Variants in GALNT13 observed in about 807,000 individuals in gnomAD.
GALNT13 encodes the protein UDP-GalNAc:polypeptide N-acetylgalactosaminyltransferase 13.
In GALNT13, 28 loss-of-function variants were observed where a neutral mutation model predicts 64.2. That is an observed-to-expected ratio of 0.44 (90% CI 0.32 to 0.60). The LOEUF is 0.60. Ranked by LOEUF, GALNT13 falls within the 20% of genes least tolerant of loss-of-function variation. GALNT13 has a pLI of 0.05. For synonymous variants in GALNT13, 214 were observed against 224.6 expected (o/e 0.95, Z 0.42); for missense variants, 577 against 669.8 (o/e 0.86, Z 1.53).
the GALNT13 span, among the ~76,000 whole-genome samples, chr2:153,342,830 C>G: frequency 6.6e-6 from 1 of 152,090 alleles, no homozygotes; most frequent in African/African-American, 2.4e-5. Flanking sequence ...TAACGCAGGT[C>G]ACTCCATTAC....
intron 8 of GALNT13, among the ~76,000 whole-genome samples, chr2:154,282,838 T>C (rs1470820390): frequency 6.6e-6 from 1 of 152,200 alleles, no homozygotes; most frequent in East Asian, 1.9e-4. Context: ...TGAGATGTTA[T>C]CATTACCTCA....
intron 12 of GALNT13, among the ~76,000 whole-genome samples, chr2:154,444,969 A>G (rs372513702): frequency 1.3e-5 from 2 of 152,052 alleles, no homozygotes; most frequent in Admixed American, 6.6e-5. Flanking sequence ...CCTCAATTGT[A>G]TAAATACATA....
the GALNT13 span, among the ~76,000 whole-genome samples, chr2:153,840,097 C>T: frequency 6.6e-6 from 1 of 151,918 alleles, no homozygotes; most frequent in African/African-American, 2.4e-5. Context: ...TGTTTATTAA[C>T]CCACATTTTT....
chr2:153,412,782 G>C, the GALNT13 span, among the ~76,000 whole-genome samples: 11 of 152,068 alleles, frequency 7.2e-5, no homozygotes, highest in African/African-American at 2.7e-4. Context: ...ACTCTTCTTT[G>C]CTCTCTGGTG....
the GALNT13 span, among the ~76,000 whole-genome samples, chr2:153,305,413 G>C: frequency 6.6e-6 from 1 of 152,132 alleles, no homozygotes; most frequent in Non-Finnish European, 1.5e-5. Context: ...TCTGCACACT[G>C]TGCTATTGGA....
chr2:154,154,934 T>TGTG (rs1684312993), intron 4 of GALNT13, among the ~76,000 whole-genome samples: 1 of 149,304 alleles, frequency 6.7e-6, no homozygotes. Context: ...TTGTTTATGT[T>TGTG]TGTGTGTGTG....
chr2:154,401,012 C>T (rs1157389416), intron 10 of GALNT13, among the ~76,000 whole-genome samples: 1 of 152,082 alleles, frequency 6.6e-6, no homozygotes, highest in Non-Finnish European at 1.5e-5. Flanking sequence ...AGCCAAGTGA[C>T]AACTCTTGGT....
At chr2:153,125,270 C>G in the GALNT13 span, among the ~76,000 whole-genome samples, 7 of 152,200 alleles carry the variant, frequency 4.6e-5, no homozygotes, top group East Asian at 1.3e-3. Context: ...TATTCTTCCT[C>G]CCACATGACA....
intron 3 of GALNT13, among the ~76,000 whole-genome samples, chr2:153,998,201 T>A (rs1417557881): frequency 1.8e-4 from 27 of 152,144 alleles, no homozygotes. Context: ...TGGTTCCAGA[T>A]CCTTGAGGAA....
intron 4 of GALNT13, among the ~76,000 whole-genome samples, chr2:154,223,995 C>A (rs1295799365): frequency 1.3e-5 from 2 of 151,948 alleles, no homozygotes; most frequent in African/African-American, 4.8e-5. Flanking sequence ...GTAATAAGGT[C>A]ATTCTTCAGA....
intron 4 of GALNT13, among the ~76,000 whole-genome samples, chr2:154,167,089 C>G (rs186524569): frequency 6.6e-6 from 1 of 151,732 alleles, no homozygotes; most frequent in Non-Finnish European, 1.5e-5. Context: ...AACAAACCTG[C>G]AAGTTGTGCA....
the GALNT13 span, among the ~76,000 whole-genome samples, chr2:153,407,474 A>G: frequency 3.3e-5 from 5 of 152,182 alleles, no homozygotes; most frequent in Admixed American, 6.5e-5. Flanking sequence ...TAGACATCTC[A>G]GGTGATCTTT....
intron 1 of GALNT13, among the ~76,000 whole-genome samples, chr2:153,897,027 T>G (rs2105282681): frequency 6.6e-6 from 1 of 152,300 alleles, no homozygotes; most frequent in East Asian, 1.9e-4. Flanking sequence ...CTCTATGTGC[T>G]CATGTGTGCA....
In GALNT13 at chr2:154,046,878, C is replaced by G. The variant is rs139609214; in HGVS notation, c.143-93459C>G. 2.9e-3 allele frequency among the ~76,000 whole-genome samples: 442 copies of G among 152,144 alleles called. 2 individuals carry two copies. The highest frequency in any genetic ancestry group is 4.5e-3 in the Non-Finnish European group (304 of 67,994). ...AACCTGCTGACACCTGGATCTTGAC[C>G]TTCTAGCTTCCAAAACTGTGACAAA... On this transcript the variant is annotated intron_variant, in intron 3 of 12. Coordinates refer to ENST00000392825, the MANE Select transcript of GALNT13 (RefSeq NM_052917.4).
intron 3 of GALNT13, among the ~76,000 whole-genome samples, chr2:154,029,180 T>C (rs1444195924): frequency 2.6e-5 from 3 of 114,616 alleles, no homozygotes; most frequent in African/African-American, 9.9e-5. Flanking sequence ...ACAATTTATT[T>C]TGTAAATCAA....
chr2:154,432,856 A>G (rs972750541), intron 11 of GALNT13, among the ~76,000 whole-genome samples: 5 of 152,190 alleles, frequency 3.3e-5, no homozygotes, highest in Admixed American at 3.3e-4. Context: ...TTAGTACTTC[A>G]ATATATCATC....
chr2:154,017,196 T>C (rs2105265650), intron 3 of GALNT13, among the ~76,000 whole-genome samples: 1 of 152,316 alleles, frequency 6.6e-6, no homozygotes, highest in East Asian at 1.9e-4. Flanking sequence ...TTTTTCATTC[T>C]CTTTAGTCTG....
At chr2:154,445,775 T>A (rs1182937132) in intron 12 of GALNT13, 1 of 1,282,320 alleles carries the variant, frequency 7.8e-7, no homozygotes, top group Admixed American at 2.3e-5. Flanking sequence ...TCTGCACTGG[T>A]CTTTCACTAA....
chr2:153,076,304 A>AT, the GALNT13 span, among the ~76,000 whole-genome samples: 2 of 151,826 alleles, frequency 1.3e-5, no homozygotes, highest in Admixed American at 6.6e-5. Context: ...CTGTCTTTCC[A>AT]TTTTTTTCCT....
Sources: allele counts gnomAD v4.1 joint callset (sites outside exome capture counted in the v4.1 genomes callset), GRCh38; gene constraint gnomAD v4.1.1; transcripts MANE v1.5; gene names NCBI Gene and HGNC (gene_info 2026-07-23, HGNC 2026-07-21).